Variants in CSMD1 observed in about 807,000 individuals in gnomAD.
CSMD1 encodes the protein CUB and Sushi multiple domains 1, also known as CUB and sushi domain-containing protein 1.
CSMD1 carries 213 observed loss-of-function variants against 417.5 expected under a neutral mutation model. That is an observed-to-expected ratio of 0.51 (90% CI 0.46 to 0.57). The LOEUF (loss-of-function observed/expected upper bound fraction) is 0.57. Ranked by LOEUF, CSMD1 falls within the 20% of genes least tolerant of loss-of-function variation. The probability of loss-of-function intolerance (pLI) is 0.00; values close to 1 mark genes in which losing one functional copy is unlikely to be tolerated. For synonymous variants in CSMD1, 2,862 were observed against 1,736.8 expected (o/e 1.65, Z -16.11); for missense variants, 6,923 against 4,529.7 (o/e 1.53, Z -15.17).
intron 7 of CSMD1, among the ~76,000 whole-genome samples, chr8:3,694,869 T>G (rs77405284): frequency 6.6e-6 from 1 of 151,970 alleles, no homozygotes; most frequent in Non-Finnish European, 1.5e-5. Context: ...CTAAAGACCA[T>G]AGAAACCTGC....
intron 2 of CSMD1, among the ~76,000 whole-genome samples, chr8:4,633,517 G>C (rs1000735177): frequency 6.6e-6 from 1 of 151,846 alleles, no homozygotes; most frequent in South Asian, 2.1e-4. Flanking sequence ...CCAAAGTGCT[G>C]GGATTACAGG....
chr8:3,872,449 T>G (rs1805539664), intron 5 of CSMD1, among the ~76,000 whole-genome samples: 1 of 152,168 alleles, frequency 6.6e-6, no homozygotes, highest in Admixed American at 6.5e-5. Context: ...CGAAGCCCAC[T>G]GTGCAAATGA....
At chr8:4,615,182 C>G (rs974419927) in intron 2 of CSMD1, among the ~76,000 whole-genome samples, 1 of 152,154 alleles carries the variant, frequency 6.6e-6, no homozygotes, top group Admixed American at 6.6e-5. Flanking sequence ...ATCGCCCTTA[C>G]ACTCTCCATG....
chr8:3,309,687 G>T (rs1805177128), intron 23 of CSMD1, among the ~76,000 whole-genome samples: 1 of 152,048 alleles, frequency 6.6e-6, no homozygotes. Flanking sequence ...ACCAAACTTT[G>T]AATGCTTTCT....
intron 2 of CSMD1, among the ~76,000 whole-genome samples, chr8:4,450,043 G>A (rs1179693876): frequency 6.6e-6 from 1 of 152,126 alleles, no homozygotes; most frequent in South Asian, 2.1e-4. Flanking sequence ...TGATGACTGG[G>A]TTCCACTTTT....
intron 1 of CSMD1, among the ~76,000 whole-genome samples, chr8:4,830,894 T>A (rs934078054): frequency 6.6e-6 from 1 of 152,152 alleles, no homozygotes; most frequent in East Asian, 1.9e-4. Flanking sequence ...TCCTCTAGAA[T>A]AGAGTCTAAT....
At chr8:3,969,017 G>A (rs1328988488) in intron 5 of CSMD1, among the ~76,000 whole-genome samples, 1 of 152,178 alleles carries the variant, frequency 6.6e-6, no homozygotes, top group Non-Finnish European at 1.5e-5. Flanking sequence ...TTGGAAGGCC[G>A]AGGCAGGTGG....
At chr8:4,065,173 CACT>C in intron 3 of CSMD1, among the ~76,000 whole-genome samples, 1 of 152,270 alleles carries the variant, frequency 6.6e-6, no homozygotes, top group Non-Finnish European at 1.5e-5. Context: ...TTACACAAAA[CACT>C]TCTGATACAA....
intron 26 of CSMD1, among the ~76,000 whole-genome samples, chr8:3,266,277 G>A (rs932150034): frequency 2.6e-5 from 4 of 151,304 alleles, no homozygotes; most frequent in Non-Finnish European, 4.4e-5. Context: ...AAGGCGGAAA[G>A]GCAGTAGCAC....
chr8:3,511,814 TAACATAAC>T (rs1797084450), intron 10 of CSMD1, among the ~76,000 whole-genome samples: 1 of 135,958 alleles, frequency 7.4e-6, no homozygotes, highest in Admixed American at 7.3e-5. Context: ...TAACATAACA[TAACATAAC>T]AATAAATAAA....
At chr8:4,143,037 A>G (rs1563180003) in intron 3 of CSMD1, among the ~76,000 whole-genome samples, 1 of 150,946 alleles carries the variant, frequency 6.6e-6, no homozygotes. Context: ...TCCAATTCCA[A>G]CCCAATCACA....
intron 8 of CSMD1, among the ~76,000 whole-genome samples, chr8:3,588,603 AT>A (rs1031195405): frequency 3.3e-5 from 5 of 152,174 alleles, no homozygotes; most frequent in East Asian, 1.9e-4. Flanking sequence ...TTTTTCATGC[AT>A]TTTTTTCCTA....
chr8:4,925,986 C>T (rs993931109), intron 1 of CSMD1, among the ~76,000 whole-genome samples: 1 of 152,180 alleles, frequency 6.6e-6, no homozygotes, highest in African/African-American at 2.4e-5. Context: ...TTTAGCAATG[C>T]ATTCTTTCCA....
intron 7 of CSMD1, among the ~76,000 whole-genome samples, chr8:3,619,193 A>G (rs1802295351): frequency 6.6e-6 from 1 of 152,190 alleles, no homozygotes; most frequent in African/African-American, 2.4e-5. Context: ...GGGGAAAAAA[A>G]TAAAAACAAA....
At chr8:3,075,851 G>T (rs191552206) in intron 49 of CSMD1, among the ~76,000 whole-genome samples, 8 of 149,782 alleles carry the variant, frequency 5.3e-5, no homozygotes, top group Non-Finnish European at 1.2e-4. Context: ...ACCATCCTGG[G>T]TAACATGGGG....
intron 23 of CSMD1, among the ~76,000 whole-genome samples, chr8:3,341,596 T>C (rs987487342): frequency 3.3e-5 from 5 of 152,054 alleles, no homozygotes; most frequent in African/African-American, 1.2e-4. Flanking sequence ...TGCAGCAGTG[T>C]TGAGAGTGAG....
chr8:4,152,641 G>A (rs892030667), intron 3 of CSMD1, among the ~76,000 whole-genome samples: 2 of 151,798 alleles, frequency 1.3e-5, no homozygotes, highest in Non-Finnish European at 2.9e-5. Flanking sequence ...AATGAGTCAC[G>A]ATTGTGCCAG....
At chr8:4,149,040 T>A (rs1158877805) in intron 3 of CSMD1, among the ~76,000 whole-genome samples, 1 of 151,938 alleles carries the variant, frequency 6.6e-6, no homozygotes, top group African/African-American at 2.4e-5. Flanking sequence ...CTTTGCTCAC[T>A]GCAACCTCCA....
chr8:4,774,926 G>A (rs1241602866), intron 1 of CSMD1, among the ~76,000 whole-genome samples: 1 of 152,160 alleles, frequency 6.6e-6, no homozygotes, highest in Non-Finnish European at 1.5e-5. Flanking sequence ...CCAGCATGAT[G>A]TTCTCTGTAC....
Sources: allele counts gnomAD v4.1 joint callset (sites outside exome capture counted in the v4.1 genomes callset), GRCh38; gene constraint gnomAD v4.1.1; transcripts MANE v1.5; gene names NCBI Gene and HGNC (gene_info 2026-07-23, HGNC 2026-07-21).